CNGB1: variants seen among roughly 807,000 people sequenced by gnomAD.
The protein encoded by CNGB1 is cyclic nucleotide gated channel subunit beta 1.
CNGB1 carries 126 observed loss-of-function variants against 151.7 expected under a neutral mutation model. The ratio of observed to expected loss-of-function variants is 0.83; its 90% confidence interval spans 0.72 to 0.96. The LOEUF (loss-of-function observed/expected upper bound fraction) is 0.96, where lower values mean the gene tolerates loss of function less well. CNGB1 is among the 40% of genes least tolerant of loss of function. CNGB1 has a pLI of 0.00. For synonymous variants in CNGB1, 623 were observed against 635.1 expected, an observed-to-expected ratio of 0.98 and a Z score of 0.29; for missense variants, 1,698 against 1,627.0, an observed-to-expected ratio of 1.04 and a Z score of -0.75.
At chr16:57,969,418 A>G (rs1047917607) in intron 1 of CNGB1, among the ~76,000 whole-genome samples, 1 of 152,296 alleles carries the variant, frequency 6.6e-6, no homozygotes, top group Non-Finnish European at 1.5e-5. Flanking sequence ...GGAGTTCGAG[A>G]CCAGCCTGGG....
chr16:57,913,214 G>A (rs1239027962), intron 23 of CNGB1, among the ~76,000 whole-genome samples: 1 of 152,210 alleles, frequency 6.6e-6, no homozygotes, highest in Non-Finnish European at 1.5e-5. Flanking sequence ...CCTTGGAAAT[G>A]ACATGTAATC....
At chr16:57,967,710 T>C (rs929800593) in intron 1 of CNGB1, among the ~76,000 whole-genome samples, 18 of 151,912 alleles carry the variant, frequency 1.2e-4, no homozygotes, top group African/African-American at 4.1e-4. Context: ...ATATATAATA[T>C]ATATACACAT....
chr16:57,912,473 G>A (rs959644132), intron 24 of CNGB1, among the ~76,000 whole-genome samples: 4 of 152,182 alleles, frequency 2.6e-5, no homozygotes, highest in African/African-American at 7.2e-5. Context: ...AAGAGGAGGC[G>A]GGACCAGGAA....
chr16:57,904,292 G>A (rs1960476886), intron 26 of CNGB1, among the ~76,000 whole-genome samples: 1 of 152,172 alleles, frequency 6.6e-6, no homozygotes, highest in Non-Finnish European at 1.5e-5. Context: ...CAGTTCCTCG[G>A]TGACGGCGGC....
intron 14 of CNGB1, among the ~76,000 whole-genome samples, chr16:57,948,772 C>A (rs754612299): frequency 1.3e-5 from 2 of 152,174 alleles, no homozygotes; most frequent in Non-Finnish European, 2.9e-5. Flanking sequence ...TTCCACTCAC[C>A]CTCCATAGTG....
chr16:57,885,557 C>CCTCTCTCTCTCTCTCTCTCTCT (rs1220420237), intron 32 of CNGB1, among the ~76,000 whole-genome samples: 3 of 97,620 alleles, frequency 3.1e-5, no homozygotes, highest in Non-Finnish European at 6.2e-5. Flanking sequence ...TTCCTTCCTT[C>CCTCTCTCTCTCTCTCTCTCTCT]CTCTCTCTCT....
At chr16:57,894,578 G>A (rs1452479424) in intron 31 of CNGB1, among the ~76,000 whole-genome samples, 1 of 152,172 alleles carries the variant, frequency 6.6e-6, no homozygotes, top group Non-Finnish European at 1.5e-5. Flanking sequence ...TCCAGCCCAG[G>A]CTACAGAATG....
At chr16:57,939,297 G>A in intron 16 of CNGB1, 133 bp downstream of exon 16, 3 of 1,257,372 alleles carry the variant, frequency 2.4e-6, no homozygotes, top group South Asian at 1.2e-5. Flanking sequence ...TGAAGACAGG[G>A]TGGCTGAGGG....
At chr16:57,967,063 G>A in intron 2 of CNGB1, 65 bp downstream of exon 2, 3 of 1,610,526 alleles carry the variant, frequency 1.9e-6, no homozygotes, top group Non-Finnish European at 1.7e-6. Context: ...GAGAGCAGAT[G>A]GCCCAAACTG....
intron 22 of CNGB1, 97 bp from the exon 23 acceptor site, chr16:57,915,432 G>A: frequency 2.1e-6 from 2 of 970,696 alleles, no homozygotes; most frequent in Middle Eastern, 2.2e-4. Flanking sequence ...CCATGGAAAG[G>A]TGAGGTCAGA....
In CNGB1 at chr16:57,882,799, C is replaced by CTTTTTTTTTTTTTTTTTTTT. The variant is rs71155213; in HGVS notation, c.*1364_*1365insAAAAAAAAAAAAAAAAAAAA. 1.5e-5 allele frequency: 2 copies of CTTTTTTTTTTTTTTTTTTTT among 136,068 alleles called. No homozygotes were observed. The allele number at this position is 136,068 out of a possible 1,614,324, so 8.4% of individuals were successfully genotyped here. ...CCTTTTTTCTTTTTTTTTCTTTTTT[C>CTTTTTTTTTTTTTTTTTTTT]TTTTTTTTTTTTTGTCTGAATCATA... On this transcript the variant is annotated 3_prime_UTR_variant, in exon 33 of 33. Coordinates refer to ENST00000251102, the MANE Select transcript of CNGB1 (RefSeq NM_001297.5).
At chr16:57,956,459 G>A (rs1962087749) in intron 12 of CNGB1, among the ~76,000 whole-genome samples, 1 of 152,172 alleles carries the variant, frequency 6.6e-6, no homozygotes, top group South Asian at 2.1e-4. Context: ...CAGTCCACTG[G>A]GCTGTGTGTG....
chr16:57,943,134 G>C (rs1423512085), intron 14 of CNGB1, among the ~76,000 whole-genome samples: 2 of 152,008 alleles, frequency 1.3e-5, no homozygotes, highest in African/African-American at 4.8e-5. Context: ...CTTGCAAACC[G>C]TAAGTCAAAT....
chr16:57,947,510 T>C (rs1961839409), intron 14 of CNGB1, among the ~76,000 whole-genome samples: 1 of 152,038 alleles, frequency 6.6e-6, no homozygotes, highest in Non-Finnish European at 1.5e-5. Flanking sequence ...ACAGAAGCCA[T>C]AGGGAAGCAG....
chr16:57,915,400 T>G (rs1960838110), intron 22 of CNGB1, 65 bp from the exon 23 acceptor site: 1 of 1,260,568 alleles, frequency 7.9e-7, no homozygotes, highest in African/African-American at 1.5e-5. Context: ...GTGAGGGGAG[T>G]GAGAGGCGGA....
At chr16:57,930,218 C>A (rs1342181806) in intron 17 of CNGB1, among the ~76,000 whole-genome samples, 1 of 151,956 alleles carries the variant, frequency 6.6e-6, no homozygotes, top group Non-Finnish European at 1.5e-5. Context: ...AAAATGTGGG[C>A]TGTGTTGGCA....
intron 16 of CNGB1, 80 bp from the exon 17 acceptor site, chr16:57,931,958 A>G (rs1961366816): frequency 6.7e-7 from 1 of 1,494,146 alleles, no homozygotes; most frequent in Non-Finnish European, 9.2e-7. Flanking sequence ...TCTTGAAGAA[A>G]ACCAGAGAAA....
chr16:57,934,808 T>G (rs1264825513), intron 16 of CNGB1, among the ~76,000 whole-genome samples: 3 of 151,956 alleles, frequency 2.0e-5, no homozygotes, highest in African/African-American at 4.8e-5. Flanking sequence ...AATACAAAAA[T>G]TCCCCAGGCC....
At chr16:57,915,179 C>A (rs747353649) in intron 23 of CNGB1, 70 bp downstream of exon 23, 2 of 1,299,580 alleles carry the variant, frequency 1.5e-6, no homozygotes, top group Non-Finnish European at 2.2e-6. Context: ...GGGGCAGACA[C>A]GAAGATGCCA....
Sources: gnomAD v4.1 joint callset for allele counts (sites outside exome capture counted in the v4.1 genomes callset) on GRCh38, gnomAD v4.1.1 for gene constraint, MANE v1.5 for transcripts, NCBI Gene and HGNC (gene_info 2026-07-23, HGNC 2026-07-21) for gene names.